CCDC144A: variants seen among roughly 807,000 people sequenced by gnomAD.
CCDC144A encodes the protein coiled-coil domain-containing protein 144A.
Under a neutral mutation model 143.8 loss-of-function variants are expected in CCDC144A, and 41 were observed. That is an observed-to-expected ratio of 0.29 (90% CI 0.22 to 0.37). The LOEUF is 0.37. CCDC144A is among the 10% of genes least tolerant of loss of function. The pLI, the probability that CCDC144A is intolerant of heterozygous loss-of-function variation, is 1.00. For synonymous variants in CCDC144A, 242 were observed against 517.9 expected (o/e 0.47, Z 7.23); for missense variants, 637 against 1,488.8 (o/e 0.43, Z 9.41).
At chr17:16,766,318 A>T (rs924860486) in intron 15 of CCDC144A, 2 of 152,224 alleles carry the variant, frequency 1.3e-5, no homozygotes, top group Non-Finnish European at 2.9e-5. Flanking sequence ...GGTTTGCCCT[A>T]AGCAGTTTCC....
At chr17:16,719,568 T>A (rs1457981278) in intron 6 of CCDC144A, among the ~76,000 whole-genome samples, 1 of 152,232 alleles carries the variant, frequency 6.6e-6, no homozygotes, top group Non-Finnish European at 1.5e-5. Context: ...GGTCTGCTAC[T>A]GACCAGCTAT....
intron 12 of CCDC144A, among the ~76,000 whole-genome samples, chr17:16,743,576 T>C (rs1002540731): frequency 6.6e-5 from 10 of 152,098 alleles, no homozygotes; most frequent in African/African-American, 9.7e-5. Flanking sequence ...GTCTAGCTTT[T>C]TTGCAGTTCC....
At chr17:16,756,890 A>G (rs942051745) in intron 12 of CCDC144A, among the ~76,000 whole-genome samples, 31 of 152,266 alleles carry the variant, frequency 2.0e-4, no homozygotes, top group African/African-American at 7.2e-4. Flanking sequence ...TGCTGTAATC[A>G]ACATCAGCGT....
Position 16,690,400 on chromosome 17 carries a change from G to A in CCDC144A, c.-1G>A, listed in dbSNP as rs1459741135. On this transcript the variant is annotated 5_prime_UTR_variant, in exon 1 of 17. Transcript: ENST00000399273. ...GTGGCCGAGGCAGTAGCTCGCTACT[G>A]ATGGCCTCCTGGGGTGGAGAAAAGC... The A allele has an allele frequency of 5.8e-6, 9 of 1,544,284 alleles. No individual in the cohort carries two copies. The highest frequency in any genetic ancestry group is 1.2e-5 in the South Asian group (1 of 81,694).
chr17:16,764,260 G>C (rs1915506179), intron 15 of CCDC144A, 85 bp downstream of exon 15: 1 of 1,544,416 alleles, frequency 6.5e-7, no homozygotes, highest in Non-Finnish European at 8.7e-7. Flanking sequence ...TAATTGTCTT[G>C]TGTATGGTAA....
At chr17:16,727,287 C>A (rs1913476383) in intron 8 of CCDC144A, 1 of 388,598 alleles carries the variant, frequency 2.6e-6, no homozygotes. Context: ...TTTTCTTACA[C>A]CACATATCTG....
intron 11 of CCDC144A, among the ~76,000 whole-genome samples, chr17:16,733,184 C>T (rs1913826725): frequency 6.7e-6 from 1 of 150,368 alleles, no homozygotes; most frequent in Admixed American, 6.6e-5. Flanking sequence ...GCTTTGAAAA[C>T]AATGATATGC....
chr17:16,724,211 G>T (rs924092865), intron 8 of CCDC144A, among the ~76,000 whole-genome samples: 3 of 152,116 alleles, frequency 2.0e-5, no homozygotes, highest in Non-Finnish European at 4.4e-5. Flanking sequence ...TACTTTGTAT[G>T]ACTTAAATCT....
chr17:16,673,365 C>T, the CCDC144A span, among the ~76,000 whole-genome samples: 1 of 151,584 alleles, frequency 6.6e-6, no homozygotes, highest in African/African-American at 2.4e-5. Flanking sequence ...ACATTTAATA[C>T]ATGTATCAAA....
chr17:16,678,118 T>C, the CCDC144A span, among the ~76,000 whole-genome samples: 1 of 152,094 alleles, frequency 6.6e-6, no homozygotes, highest in Non-Finnish European at 1.5e-5. Flanking sequence ...GTTGGAGTTT[T>C]AATGTACAAA....
intron 2 of CCDC144A, among the ~76,000 whole-genome samples, chr17:16,703,665 G>C (rs1290699393): frequency 2.0e-5 from 3 of 151,924 alleles, no homozygotes; most frequent in Non-Finnish European, 4.4e-5. Context: ...TTAGCCGGGC[G>C]TGGTGGAGGG....
intron 15 of CCDC144A, chr17:16,767,320 A>G (rs1474885890): frequency 6.5e-6 from 1 of 152,832 alleles, no homozygotes; most frequent in East Asian, 1.9e-4. Flanking sequence ...AAAAAGATAC[A>G]AAGGCATGTC....
Position 16,690,503 on chromosome 17 carries a change from C to A in CCDC144A, c.103C>A (p.Gln35Lys), listed in dbSNP as rs746181106. The change falls in exon 1 of 17, where the codon CAG becomes AAG. Residue 35 changes from glutamine to lysine, a missense_variant. Gln to Lys is a moderately conservative substitution (Grantham distance 53, BLOSUM62 1). Transcript: ENST00000399273. Reference sequence around the variant, plus strand: ...CCCTAGCGTCGGGAGCCAGGGGGACCAGTGGTACTTGGGCTACCCGGGGGA... The same window carrying A: ...CCCTAGCGTCGGGAGCCAGGGGGACAAGTGGTACTTGGGCTACCCGGGGGA... The part of the protein sequence containing the change: ...KTPSVGSQGD[Q>K]WYLGYPGDQW... 2 of 1,611,202 alleles carry A rather than the reference C, an allele frequency of 1.2e-6. No individual in the cohort carries two copies. The highest frequency in any genetic ancestry group is 2.2e-5 in the South Asian group (2 of 90,896).
At chr17:16,765,371 T>G (rs1365655251) in intron 15 of CCDC144A, 1 of 151,660 alleles carries the variant, frequency 6.6e-6, no homozygotes, top group Admixed American at 6.6e-5. Flanking sequence ...GCTACGGCAC[T>G]GCAGCATTCC....
intron 12 of CCDC144A, among the ~76,000 whole-genome samples, chr17:16,756,541 C>T (rs957744245): frequency 2.0e-5 from 3 of 148,608 alleles, no homozygotes; most frequent in Admixed American, 6.6e-5. Flanking sequence ...TATTACCTAT[C>T]TTTCCTATCA....
intron 7 of CCDC144A, 66 bp downstream of exon 7, chr17:16,720,297 G>A: frequency 6.6e-7 from 1 of 1,508,672 alleles, no homozygotes; most frequent in Non-Finnish European, 8.8e-7. Flanking sequence ...AGGTAAAAAT[G>A]AAAAAAATAA....
chr17:16,746,020 C>T (rs1914486663), intron 12 of CCDC144A: 3 of 1,611,852 alleles, frequency 1.9e-6, no homozygotes, highest in Admixed American at 1.7e-5. Flanking sequence ...GATCTCTCCA[C>T]ATCCCTGTGC....
rs545855702 is a variant in CCDC144A at position 16,694,942 on chromosome 17, A to G, written c.415+1893A>G. Among the ~76,000 whole-genome samples the G allele has an allele frequency of 2.6e-5, 4 of 152,370 alleles. No individual in the cohort carries two copies. In the East Asian group the frequency reaches 7.7e-4, roughly 29 times the overall value. On this transcript the variant is annotated intron_variant, in intron 2 of 16. Coordinates refer to ENST00000399273, the MANE Select transcript of CCDC144A (RefSeq NM_001382000.1). ...CTCTAGGCTCAACAAATTATAATGA[A>G]AGTATAAAAATGTTTCACAATAACA...
Position 16,742,425 on chromosome 17 carries a change from A to G in CCDC144A, c.3372+6782A>G, listed in dbSNP as rs565528823. Among the ~76,000 whole-genome samples the G allele has an allele frequency of 2.2e-4, 34 of 152,278 alleles. No individual in the cohort carries two copies. The South Asian group carries it at 7.0e-3, about 32-fold the overall frequency. ...GGCTGAATAGTATTCCACTGTGGACATATACCACATTTTCTTTACTCATCA... is the reference window on the plus strand; with the variant it reads ...GGCTGAATAGTATTCCACTGTGGACGTATACCACATTTTCTTTACTCATCA... On this transcript the variant is annotated intron_variant, in intron 12 of 16. Transcript: ENST00000399273.
Sources: gnomAD v4.1 joint callset for allele counts (sites outside exome capture counted in the v4.1 genomes callset) on GRCh38, gnomAD v4.1.1 for gene constraint, MANE v1.5 for transcripts, NCBI Gene and HGNC (gene_info 2026-07-23, HGNC 2026-07-21) for gene names.